The following ZBBX variants were observed in gnomAD, a reference collection of about 807,000 sequenced individuals.
ZBBX encodes the protein zinc finger B-box domain-containing protein 1.
A neutral mutation model predicts 108.5 loss-of-function variants in ZBBX; 101 were observed. The ratio of observed to expected loss-of-function variants is 0.93; its 90% CI spans 0.79 to 1.10. ZBBX has a LOEUF of 1.10. ZBBX is among the 50% of genes least tolerant of loss of function. The pLI is 0.00. For synonymous variants in ZBBX, 356 were observed against 323.4 expected, an observed-to-expected ratio of 1.10 and a Z score of -1.08; for missense variants, 1,009 against 941.4, an observed-to-expected ratio of 1.07 and a Z score of -0.94.
At chr3:167,348,251 G>T in intron 9 of ZBBX, among the ~76,000 whole-genome samples, 1 of 119,328 alleles carries the variant, frequency 8.4e-6, no homozygotes, top group Non-Finnish European at 1.8e-5. Context: ...GGGAGGGAGG[G>T]AGGGTGGAAG....
intron 11 of ZBBX, 30 bp downstream of exon 11, chr3:167,327,912 T>TC (rs773911554): frequency 2.4e-6 from 1 of 408,316 alleles, no homozygotes; most frequent in South Asian, 2.8e-5. Flanking sequence ...AGACTCTGTC[T>TC]CAAAAAAAAA....
chr3:167,281,712 C>T (rs961490030), intron 20 of ZBBX, among the ~76,000 whole-genome samples: 2 of 152,144 alleles, frequency 1.3e-5, no homozygotes, highest in African/African-American at 4.8e-5. Flanking sequence ...ATGTGGTTTG[C>T]CAACTAGCAG....
At chr3:167,391,408 T>G (rs1748081788) in intron 1 of ZBBX, among the ~76,000 whole-genome samples, 1 of 152,082 alleles carries the variant, frequency 6.6e-6, no homozygotes, top group Non-Finnish European at 1.5e-5. Context: ...TGAGGATTTT[T>G]GCATCAATGT....
intron 20 of ZBBX, among the ~76,000 whole-genome samples, chr3:167,253,323 G>A (rs375533955): frequency 3.9e-5 from 6 of 152,054 alleles, no homozygotes; most frequent in Non-Finnish European, 7.4e-5. Flanking sequence ...CCAATACCAC[G>A]TCAATAGGGA....
chr3:167,262,507 T>C (rs774665684), intron 20 of ZBBX, among the ~76,000 whole-genome samples: 5 of 152,166 alleles, frequency 3.3e-5, no homozygotes, highest in Non-Finnish European at 2.9e-5. Flanking sequence ...CTTCTTTATA[T>C]TGGGAGACAT....
chr3:167,179,656 T>C, the ZBBX span, among the ~76,000 whole-genome samples: 89,563 of 152,044 alleles, frequency 0.59, 26,610 homozygotes, highest in East Asian at 0.82. Flanking sequence ...AAGCAGTCAA[T>C]ACCTCAATTA....
intron 20 of ZBBX, among the ~76,000 whole-genome samples, chr3:167,257,869 T>C (rs776382644): frequency 3.0e-4 from 45 of 152,274 alleles, no homozygotes; most frequent in Non-Finnish European, 2.4e-4. Flanking sequence ...TTTACTGATT[T>C]GTTTGAGTTC....
chr3:167,302,573 A>T (rs1732900452), intron 17 of ZBBX, among the ~76,000 whole-genome samples: 1 of 152,024 alleles, frequency 6.6e-6, no homozygotes, highest in Non-Finnish European at 1.5e-5. Flanking sequence ...CTAATTACTT[A>T]TATGATTGGG....
At chr3:167,237,018 T>C (rs1282292366), downstream of ZBBX, among the ~76,000 whole-genome samples, 1 of 151,862 alleles carries the variant, frequency 6.6e-6, no homozygotes, top group Non-Finnish European at 1.5e-5. Flanking sequence ...AAGATGAGCA[T>C]TGCTCAAGAT....
the ZBBX span, among the ~76,000 whole-genome samples, chr3:167,179,611 T>G: frequency 6.6e-6 from 1 of 152,216 alleles, no homozygotes; most frequent in Non-Finnish European, 1.5e-5. Flanking sequence ...GAACCACATA[T>G]GAAGAATCAG....
At chr3:167,270,378 C>T (rs1576832116) in intron 20 of ZBBX, among the ~76,000 whole-genome samples, 1 of 152,256 alleles carries the variant, frequency 6.6e-6, no homozygotes, top group East Asian at 1.9e-4. Context: ...GCTGCTATAC[C>T]AGAAGCCTAC....
chr3:167,342,125 G>T (rs913800730), intron 9 of ZBBX, among the ~76,000 whole-genome samples: 2 of 151,644 alleles, frequency 1.3e-5, no homozygotes, highest in Non-Finnish European at 3.0e-5. Context: ...TGTTACATTT[G>T]GTTTTTAAAT....
intron 1 of ZBBX, among the ~76,000 whole-genome samples, chr3:167,394,518 T>C (rs1748172312): frequency 6.6e-6 from 1 of 151,882 alleles, no homozygotes; most frequent in Admixed American, 6.6e-5. Context: ...ATTGACTTGA[T>C]AAAAAATGCT....
intron 20 of ZBBX, among the ~76,000 whole-genome samples, chr3:167,266,717 C>T (rs1290218183): frequency 6.6e-6 from 1 of 152,234 alleles, no homozygotes; most frequent in Non-Finnish European, 1.5e-5. Flanking sequence ...ACGTGAGTGG[C>T]ACCCTTTTGC....
chr3:167,325,654 A>T (rs1412743207), intron 11 of ZBBX, among the ~76,000 whole-genome samples: 5 of 152,106 alleles, frequency 3.3e-5, no homozygotes, highest in Non-Finnish European at 4.4e-5. Context: ...TTCCAGACGA[A>T]GTTGCTACTG....
chr3:167,274,101 C>T (rs751919376), intron 20 of ZBBX, among the ~76,000 whole-genome samples: 1 of 152,162 alleles, frequency 6.6e-6, no homozygotes, highest in Non-Finnish European at 1.5e-5. Context: ...ATGATCAAAA[C>T]CCAATGTTGT....
intron 16 of ZBBX, among the ~76,000 whole-genome samples, chr3:167,307,472 TGACAGTCAAGC>T (rs1378051424): frequency 6.6e-6 from 1 of 152,080 alleles, no homozygotes; most frequent in Non-Finnish European, 1.5e-5. Flanking sequence ...TATACACCAA[TGACAGTCAAGC>T]TGAGAGCCAA....
At chr3:167,284,001 T>C (rs1729271913) in intron 19 of ZBBX, among the ~76,000 whole-genome samples, 1 of 152,110 alleles carries the variant, frequency 6.6e-6, no homozygotes, top group Admixed American at 6.5e-5. Flanking sequence ...TTTAAGCAAT[T>C]AAAATTGGCC....
chr3:167,198,428 T>C, the ZBBX span, among the ~76,000 whole-genome samples: 2 of 152,150 alleles, frequency 1.3e-5, no homozygotes, highest in East Asian at 1.9e-4. Flanking sequence ...AAACATAGTA[T>C]GGCAGAGACA....
Sources: allele counts gnomAD v4.1 joint callset (sites outside exome capture counted in the v4.1 genomes callset), GRCh38; gene constraint gnomAD v4.1.1; transcripts MANE v1.5; gene names NCBI Gene and HGNC (gene_info 2026-07-23, HGNC 2026-07-21).